RTL4: variants seen among roughly 807,000 people sequenced by gnomAD.
RTL4 encodes retrotransposon Gag-like protein 4.
In RTL4, 4 loss-of-function variants were observed where a neutral mutation model predicts 5.3. The observed-to-expected ratio is 0.75, with a 90% CI of 0.37 to 1.72. The LOEUF (loss-of-function observed/expected upper bound fraction) is 1.72. RTL4 is among the 40% of genes most tolerant of loss of function. The pLI is 0.04. For missense variants in RTL4, 260 were observed against 227.1 expected (o/e 1.14, Z -0.93); for synonymous variants, 98 against 87.3 (o/e 1.12, Z -0.68).
chrX:112,278,588 C>T, the RTL4 span, among the ~76,000 whole-genome samples: 3 of 111,367 alleles, frequency 2.7e-5, no homozygotes, highest in African/African-American at 6.5e-5. Context: ...CTGGGACTGT[C>T]CTGGTATTAC....
At chrX:112,379,057 T>G in the RTL4 span, among the ~76,000 whole-genome samples, 25 of 112,534 alleles carry the variant, frequency 2.2e-4, no homozygotes, top group African/African-American at 8.1e-4. Context: ...CACTGACGTG[T>G]GATCCCACAT....
At chrX:112,330,605 C>T in the RTL4 span, among the ~76,000 whole-genome samples, 3 of 110,659 alleles carry the variant, frequency 2.7e-5, no homozygotes, top group African/African-American at 9.9e-5. Context: ...AGATTCAATG[C>T]CATCCCCATA....
chrX:112,244,335 C>T, the RTL4 span, among the ~76,000 whole-genome samples: 1 of 111,426 alleles, frequency 9.0e-6, no homozygotes, highest in Non-Finnish European at 1.9e-5. Flanking sequence ...GAGTCTAAGT[C>T]TCTGTAGGTC....
the RTL4 span, among the ~76,000 whole-genome samples, chrX:112,403,867 T>C: frequency 8.9e-6 from 1 of 112,642 alleles, no homozygotes; most frequent in African/African-American, 3.2e-5. Flanking sequence ...AATTTGTTTC[T>C]TTTTGAACTT....
the RTL4 span, among the ~76,000 whole-genome samples, chrX:112,167,536 G>A: frequency 9.0e-6 from 1 of 111,469 alleles, no homozygotes; most frequent in Non-Finnish European, 1.9e-5. Flanking sequence ...CCTTTCAGAA[G>A]GCTTTCTTGT....
the RTL4 span, among the ~76,000 whole-genome samples, chrX:112,428,115 T>A: frequency 8.9e-6 from 1 of 111,979 alleles, no homozygotes; most frequent in Non-Finnish European, 1.9e-5. Context: ...TTCTTTTTCA[T>A]GGCTGAGTAG....
At chrX:112,090,572 T>C in the RTL4 span, among the ~76,000 whole-genome samples, 1 of 111,707 alleles carries the variant, frequency 9.0e-6, no homozygotes, top group Non-Finnish European at 1.9e-5. Context: ...AGATGTTTAA[T>C]CAACCATACA....
chrX:112,197,151 C>A, the RTL4 span, among the ~76,000 whole-genome samples: 1 of 100,981 alleles, frequency 9.9e-6, no homozygotes, highest in Non-Finnish European at 2.0e-5. Flanking sequence ...GGCAAAGGAC[C>A]TGACTAGGCA....
At chrX:112,351,774 A>T in the RTL4 span, among the ~76,000 whole-genome samples, 3 of 110,888 alleles carry the variant, frequency 2.7e-5, no homozygotes, top group African/African-American at 9.9e-5. Context: ...TGCACATGAG[A>T]TGGGTTTCCT....
At chrX:112,291,450 A>C in the RTL4 span, among the ~76,000 whole-genome samples, 1 of 110,173 alleles carries the variant, frequency 9.1e-6, no homozygotes, top group East Asian at 2.8e-4. Context: ...AAAGAGAAGA[A>C]ATAATAGTGA....
chrX:112,105,039 C>A, the RTL4 span, among the ~76,000 whole-genome samples: 1 of 111,762 alleles, frequency 8.9e-6, no homozygotes, highest in African/African-American at 3.2e-5. Context: ...ACATTTAATT[C>A]TGTATCCATT....
chrX:112,331,980 G>A, the RTL4 span, among the ~76,000 whole-genome samples: 1 of 101,015 alleles, frequency 9.9e-6, no homozygotes, highest in Non-Finnish European at 2.0e-5. Context: ...GACACAGGAA[G>A]GGGAACATCA....
the RTL4 span, among the ~76,000 whole-genome samples, chrX:112,243,349 T>C: frequency 1.8e-5 from 2 of 111,388 alleles, no homozygotes; most frequent in Non-Finnish European, 3.8e-5. Context: ...GTTAGTAGGC[T>C]ATTAATTATT....
At chrX:112,129,706 C>T in the RTL4 span, among the ~76,000 whole-genome samples, 1 of 111,666 alleles carries the variant, frequency 9.0e-6, no homozygotes, top group East Asian at 2.8e-4. Context: ...AGAACTAAAG[C>T]TGAAACTGTC....
the RTL4 span, among the ~76,000 whole-genome samples, chrX:112,115,135 C>A: frequency 2.7e-5 from 3 of 111,019 alleles, no homozygotes; most frequent in Non-Finnish European, 5.7e-5. Flanking sequence ...CCCCACCACC[C>A]AAGAACCCAC....
the RTL4 span, among the ~76,000 whole-genome samples, chrX:112,385,234 T>C: frequency 7.2e-5 from 8 of 111,157 alleles, no homozygotes; most frequent in East Asian, 2.2e-3. Context: ...TTTTTTTCTT[T>C]TTTAAGATTA....
At chrX:112,257,794 G>T in the RTL4 span, among the ~76,000 whole-genome samples, 1 of 108,297 alleles carries the variant, frequency 9.2e-6, no homozygotes, top group East Asian at 2.9e-4. Flanking sequence ...AACATAGCAA[G>T]ATATAATCAA....
At chrX:112,244,620 C>G in the RTL4 span, among the ~76,000 whole-genome samples, 1 of 111,692 alleles carries the variant, frequency 9.0e-6, no homozygotes, top group East Asian at 2.8e-4. Context: ...CTGAATATAG[C>G]ACACTGATGG....
At chrX:112,299,623 C>T in the RTL4 span, among the ~76,000 whole-genome samples, 2 of 111,709 alleles carry the variant, frequency 1.8e-5, no homozygotes, top group African/African-American at 3.3e-5. Flanking sequence ...AAAAGCCTTG[C>T]TCTCCCCCTT....
Sources: allele counts gnomAD v4.1 joint callset (sites outside exome capture counted in the v4.1 genomes callset), GRCh38; gene constraint gnomAD v4.1.1; transcripts MANE v1.5; gene names NCBI Gene and HGNC (gene_info 2026-07-23, HGNC 2026-07-21).